Variants in L3MBTL3 observed in about 807,000 individuals in gnomAD.
L3MBTL3 encodes the protein lethal(3)malignant brain tumor-like protein 3.
L3MBTL3 carries 27 observed loss-of-function variants against 102.3 expected under a neutral mutation model. The observed-to-expected ratio is 0.26, with a 90% CI of 0.19 to 0.36. The LOEUF (loss-of-function observed/expected upper bound fraction) is 0.36, where lower values mean the gene tolerates loss of function less well. L3MBTL3 is among the 10% of genes least tolerant of loss of function. L3MBTL3 has a pLI of 1.00. For synonymous variants in L3MBTL3, 340 were observed against 320.9 expected, an observed-to-expected ratio of 1.06 and a Z score of -0.64; for missense variants, 798 against 955.3, an observed-to-expected ratio of 0.84 and a Z score of 2.17.
chr6:130,138,951 A>T (rs1314338972), intron 22 of L3MBTL3, among the ~76,000 whole-genome samples: 2 of 152,156 alleles, frequency 1.3e-5, no homozygotes, highest in Non-Finnish European at 2.9e-5. Context: ...TTGTCTTAGA[A>T]GATGTCCAGA....
intron 20 of L3MBTL3, among the ~76,000 whole-genome samples, chr6:130,121,253 T>C (rs1786165335): frequency 6.6e-6 from 1 of 152,130 alleles, no homozygotes; most frequent in African/African-American, 2.4e-5. Context: ...TAGACTCCAG[T>C]GTCTGTCCTT....
At chr6:130,080,245 A>G (rs1207629966) in intron 14 of L3MBTL3, among the ~76,000 whole-genome samples, 1 of 145,062 alleles carries the variant, frequency 6.9e-6, no homozygotes, top group Non-Finnish European at 1.5e-5. Context: ...AGAGCAAGAC[A>G]GTGTTTCAAG....
rs967493483 is a variant in L3MBTL3 at position 130,140,792 on chromosome 6, G to A, written c.*1039G>A. The A allele has an allele frequency of 1.1e-4, 17 of 152,336 alleles. No homozygotes were observed. The highest frequency in any genetic ancestry group is 3.9e-4 in the African/African-American group (16 of 41,450). 9.4% of individuals were successfully genotyped at this position (152,336 alleles called of 1,614,324 possible). On this transcript the variant is annotated 3_prime_UTR_variant, in exon 23 of 23. Transcript: ENST00000361794. ...GGTTTTTTTCAGGGTTGGCTAGAGA[G>A]CGAGTATTGTGATTTTGCTGAAAAG...
intron 2 of L3MBTL3, among the ~76,000 whole-genome samples, chr6:130,035,567 T>A (rs1192058614): frequency 6.6e-6 from 1 of 152,224 alleles, no homozygotes; most frequent in African/African-American, 2.4e-5. Context: ...CAGAGTGCAA[T>A]ACTTTTGCAC....
intron 7 of L3MBTL3, among the ~76,000 whole-genome samples, chr6:130,053,688 A>G (rs948904626): frequency 6.6e-6 from 1 of 152,096 alleles, no homozygotes; most frequent in Non-Finnish European, 1.5e-5. Flanking sequence ...GCACACAAAT[A>G]TCAGGTATAT....
At position 130,139,873 on chromosome 6, in the gene L3MBTL3, C is replaced by G; in HGVS notation, c.*120C>G. On this transcript the variant is annotated 3_prime_UTR_variant, in exon 23 of 23. Coordinates refer to ENST00000361794, the MANE Select transcript of L3MBTL3 (RefSeq NM_032438.4). ...CCAAAACTCAAAAGAGCAACACTAT[C>G]GGATTATTTATATTACTCAAGAGAC... is the stretch of plus-strand genomic sequence containing the variant. 1.2e-6 allele frequency: 1 copy of G among 856,368 alleles called. No individual in the cohort carries two copies. Among genetic ancestry groups the G allele is most frequent in the Non-Finnish European group, 1.8e-6 (1 of 546,914 alleles). 53.0% of individuals were successfully genotyped at this position (856,368 alleles called of 1,614,324 possible).
chr6:130,113,788 G>A (rs1219632087), intron 19 of L3MBTL3, among the ~76,000 whole-genome samples: 3 of 152,180 alleles, frequency 2.0e-5, no homozygotes, highest in Admixed American at 1.3e-4. Flanking sequence ...TAGTCACACC[G>A]AAAGCCGAGT....
At chr6:130,113,112 T>A (rs1464860104) in intron 19 of L3MBTL3, among the ~76,000 whole-genome samples, 1 of 152,192 alleles carries the variant, frequency 6.6e-6, no homozygotes, top group Non-Finnish European at 1.5e-5. Flanking sequence ...TTTCTCTGTA[T>A]GTCTTAATAA....
At position 130,057,357 on chromosome 6, in the gene L3MBTL3, C is replaced by G. The variant is rs1319223566; in HGVS notation, c.668-49C>G. The G allele has an allele frequency of 2.7e-6, 4 of 1,465,084 alleles. No individual in the cohort carries two copies. The African/African-American group carries it at 5.5e-5, about 20-fold the overall frequency. 90.8% of individuals were successfully genotyped at this position (1,465,084 alleles called of 1,614,324 possible). ...GTGTGAGTTCACAGATGCATCACTG[C>G]TGGCTTAGATTTGGAAATTCTGTCA... On this transcript the variant is annotated intron_variant, in intron 8 of 22. Coordinates refer to ENST00000361794, the MANE Select transcript of L3MBTL3 (RefSeq NM_032438.4).
chr6:130,077,777 A>G (rs898998998), intron 13 of L3MBTL3, among the ~76,000 whole-genome samples: 1 of 152,200 alleles, frequency 6.6e-6, no homozygotes, highest in African/African-American at 2.4e-5. Flanking sequence ...TCCTGATCTC[A>G]GTATGGACTC....
chr6:130,126,101 TTCCC>T (rs1292569697), intron 20 of L3MBTL3, among the ~76,000 whole-genome samples: 2 of 151,390 alleles, frequency 1.3e-5, no homozygotes, highest in African/African-American at 4.9e-5. Flanking sequence ...CCTTACCTCT[TTCCC>T]TCCCTCCCTC....
At chr6:130,113,479 A>G (rs149139550) in intron 19 of L3MBTL3, among the ~76,000 whole-genome samples, 3 of 152,366 alleles carry the variant, frequency 2.0e-5, no homozygotes, top group Non-Finnish European at 4.4e-5. Context: ...TACTATCTCT[A>G]TTAAAAATCA....
chr6:130,059,978 C>T (rs1781782208), intron 9 of L3MBTL3, 58 bp from the exon 10 acceptor site: 2 of 897,222 alleles, frequency 2.2e-6, no homozygotes, highest in Non-Finnish European at 3.6e-6. Flanking sequence ...TAACTATTTA[C>T]ATCTTTAAAT....
At position 130,133,694 on chromosome 6, in the gene L3MBTL3, G is replaced by C. The variant is rs6910854; in HGVS notation, c.2136+73G>C. 1 of 1,556,636 alleles carries C rather than the reference G, an allele frequency of 6.4e-7. No homozygotes were observed. Among genetic ancestry groups the C allele is most frequent in the East Asian group, 2.3e-5 (1 of 44,280 alleles). ...GCTTAAGAGGTGTGGAACATTGAGC[G>C]TAGGTAGCGTTTAGTCTTTTTTTTT... is the stretch of plus-strand genomic sequence containing the variant. On this transcript the variant is annotated intron_variant, in intron 21 of 22. Transcript: ENST00000361794. This position sits in a 1 kb window ranked among gnomAD's most constrained non-coding sequence, Gnocchi z 4.9.
chr6:130,064,913 A>G (rs1351451719), intron 10 of L3MBTL3, among the ~76,000 whole-genome samples: 3 of 152,162 alleles, frequency 2.0e-5, no homozygotes, highest in African/African-American at 7.2e-5. Flanking sequence ...GTAAATTACT[A>G]TAGGGCTGAG....
At chr6:130,070,871 A>G (rs554177480) in intron 12 of L3MBTL3, 105 bp from the exon 13 acceptor site, 4 of 608,072 alleles carry the variant, frequency 6.6e-6, no homozygotes, top group African/African-American at 6.1e-5. Context: ...TTATGTGAAT[A>G]CAGCAGTGGA....
chr6:130,057,160 G>A (rs1258961889), intron 8 of L3MBTL3, among the ~76,000 whole-genome samples: 8 of 152,128 alleles, frequency 5.3e-5, no homozygotes, highest in Non-Finnish European at 8.8e-5. Flanking sequence ...ACTTCCTGCT[G>A]TCTTCTTCCT....
At chr6:130,112,193 C>T (rs755940809) in intron 19 of L3MBTL3, among the ~76,000 whole-genome samples, 3 of 152,154 alleles carry the variant, frequency 2.0e-5, no homozygotes, top group Non-Finnish European at 2.9e-5. Flanking sequence ...GGGTAAACAC[C>T]TCTGTGTACT....
intron 22 of L3MBTL3, among the ~76,000 whole-genome samples, chr6:130,136,539 T>C (rs1332285765): frequency 6.6e-6 from 1 of 152,174 alleles, no homozygotes; most frequent in East Asian, 1.9e-4. Context: ...TTACTTGAAA[T>C]TGCCTCTTGT....
Sources: gnomAD v4.1 joint callset for allele counts (sites outside exome capture counted in the v4.1 genomes callset) on GRCh38, gnomAD v4.1.1 for gene constraint, Gnocchi (gnomAD v3.1) non-coding constraint, MANE v1.5 for transcripts, NCBI Gene and HGNC (gene_info 2026-07-23, HGNC 2026-07-21) for gene names.